Variants in PPP1R12B observed in about 807,000 individuals in gnomAD.
PPP1R12B encodes the protein myosin phosphatase target subunit 2.
In PPP1R12B, 76 loss-of-function variants were observed where a neutral mutation model predicts 126.1. That is an observed-to-expected ratio of 0.60 (90% confidence interval 0.50 to 0.73). The LOEUF (loss-of-function observed/expected upper bound fraction) is 0.73. Ranked by LOEUF, PPP1R12B falls within the 30% of genes least tolerant of loss-of-function variation. The pLI, the probability that PPP1R12B is intolerant of heterozygous loss-of-function variation, is 0.00. For synonymous variants in PPP1R12B, 356 were observed against 434.7 expected (o/e 0.82, Z 2.25); for missense variants, 1,052 against 1,205.1 (o/e 0.87, Z 1.88).
At chr1:202,378,337 A>G (rs1661617079) in intron 1 of PPP1R12B, among the ~76,000 whole-genome samples, 1 of 145,784 alleles carries the variant, frequency 6.9e-6, no homozygotes, top group South Asian at 2.1e-4. Context: ...CAAACCACTG[A>G]CCCATCTCTT....
chr1:202,368,315 T>G (rs1376613650), intron 1 of PPP1R12B, among the ~76,000 whole-genome samples: 2 of 152,086 alleles, frequency 1.3e-5, no homozygotes, highest in African/African-American at 2.4e-5. Flanking sequence ...CCCCGCAACC[T>G]TGCTCCCATT....
At chr1:202,492,629 T>C (rs562708361) in intron 14 of PPP1R12B, among the ~76,000 whole-genome samples, 38 of 152,358 alleles carry the variant, frequency 2.5e-4, no homozygotes, top group African/African-American at 9.1e-4. Flanking sequence ...AAAGCTAGTC[T>C]AGGAGTTTTA....
At chr1:202,507,182 A>T (rs539367798) in intron 18 of PPP1R12B, among the ~76,000 whole-genome samples, 1 of 152,312 alleles carries the variant, frequency 6.6e-6, no homozygotes, top group South Asian at 2.1e-4. Context: ...CCTGACAGCA[A>T]TGCCACTTAC....
chr1:202,583,339 A>G lies in PPP1R12B; in HGVS notation c.*2779A>G, dbSNP rs1024879429. On this transcript the variant is annotated 3_prime_UTR_variant, in exon 24 of 24. Coordinates refer to ENST00000608999, the MANE Select transcript of PPP1R12B (RefSeq NM_002481.4). ...CTGGGGGCAGATTCTCAAAACTCTT[A>G]GATTGGTGTTGCATCCCTGCCACTT... is the stretch of plus-strand genomic sequence containing the variant. The G allele has an allele frequency of 6.6e-6, 1 of 152,138 alleles. No individual in the cohort carries two copies. Among genetic ancestry groups the G allele is most frequent in the African/African-American group, 2.4e-5 (1 of 41,420 alleles). The allele number at this position is 152,138 out of a possible 1,614,324, so 9.4% of individuals were successfully genotyped here.
intron 1 of PPP1R12B, among the ~76,000 whole-genome samples, chr1:202,390,678 T>C (rs1204458480): frequency 7.9e-5 from 12 of 151,416 alleles, no homozygotes; most frequent in Non-Finnish European, 1.6e-4. Flanking sequence ...TTTTTTTTTT[T>C]TCATATGGGT....
chr1:202,579,705 C>A lies in PPP1R12B; in HGVS notation c.2863-769C>A, dbSNP rs181868124. Among the ~76,000 whole-genome samples the A allele has an allele frequency of 1.2e-3, 186 of 152,300 alleles. 1 individual carries two copies. The highest frequency in any genetic ancestry group is 4.3e-3 in the African/African-American group (179 of 41,566). ...AGTTTCCACTCCCTCCCCTGCCCAA[C>A]AAGCATCTATTTCTGTGAATTACAA... On this transcript the variant is annotated intron_variant, in intron 23 of 23. Coordinates refer to ENST00000608999, the MANE Select transcript of PPP1R12B (RefSeq NM_002481.4).
chr1:202,445,122 C>T (rs1446658605), intron 12 of PPP1R12B: 26 of 1,247,128 alleles, frequency 2.1e-5, no homozygotes, highest in Non-Finnish European at 1.0e-6. Context: ...TGCTACCTCA[C>T]CCATTACCAT....
At chr1:202,449,648 A>G (rs1425452362) in intron 13 of PPP1R12B, among the ~76,000 whole-genome samples, 2 of 151,762 alleles carry the variant, frequency 1.3e-5, no homozygotes, top group African/African-American at 2.4e-5. Flanking sequence ...TCAATTATTT[A>G]TGATTATTTA....
chr1:202,458,125 GT>G (rs1558253868), intron 13 of PPP1R12B, among the ~76,000 whole-genome samples: 1 of 151,208 alleles, frequency 6.6e-6, no homozygotes, highest in South Asian at 2.1e-4. Flanking sequence ...TAGTAGTTTT[GT>G]TTTTCAAAGA....
At chr1:202,426,765 T>C (rs1386600085) in intron 4 of PPP1R12B, among the ~76,000 whole-genome samples, 1 of 152,224 alleles carries the variant, frequency 6.6e-6, no homozygotes, top group East Asian at 1.9e-4. Context: ...TAATCTTAGG[T>C]ACATACGTTT....
Position 202,580,466 on chromosome 1 carries a change from C to T in PPP1R12B, c.2863-8C>T. 1 of 1,610,856 alleles carries T rather than the reference C, an allele frequency of 6.2e-7. No homozygotes were observed. The highest frequency in any genetic ancestry group is 1.3e-5 in the African/African-American group (1 of 74,976). ...CTCTAACTCACCTTTCCCTCTGTCACCCTACAGGTGTTAACAGAACTGAAA... is the reference window on the plus strand; with the variant it reads ...CTCTAACTCACCTTTCCCTCTGTCATCCTACAGGTGTTAACAGAACTGAAA... On this transcript the variant is annotated splice_region_variant and splice_polypyrimidine_tract_variant and intron_variant, in intron 23 of 23. Coordinates refer to ENST00000608999, the MANE Select transcript of PPP1R12B (RefSeq NM_002481.4).
intron 1 of PPP1R12B, among the ~76,000 whole-genome samples, chr1:202,408,101 C>T (rs561058214): frequency 1.3e-5 from 2 of 152,230 alleles, no homozygotes; most frequent in African/African-American, 4.8e-5. Flanking sequence ...ATTTTGGTAT[C>T]TGCAGGGGGT....
chr1:202,570,216 A>T lies in PPP1R12B; in HGVS notation c.2862+1019A>T, dbSNP rs1311780964. Among the ~76,000 whole-genome samples, 3 of 152,188 alleles carry T rather than the reference A, an allele frequency of 2.0e-5. No individual in the cohort carries two copies. The East Asian group carries it at 5.8e-4, about 29-fold the overall frequency. On this transcript the variant is annotated intron_variant, in intron 23 of 23. Transcript: ENST00000608999. ...TGGGATAGTATTAGGCAGATCCCCA[A>T]ATGTCTTTCTATGAGCAAGCATCCC...
chr1:202,529,410 A>G (rs1683701454), intron 18 of PPP1R12B, among the ~76,000 whole-genome samples: 1 of 152,170 alleles, frequency 6.6e-6, no homozygotes, highest in African/African-American at 2.4e-5. Context: ...ATTCACAACT[A>G]TGAAGACTAG....
intron 12 of PPP1R12B, among the ~76,000 whole-genome samples, chr1:202,445,558 A>G (rs535671557): frequency 1.3e-5 from 2 of 152,346 alleles, no homozygotes; most frequent in South Asian, 2.1e-4. Flanking sequence ...AAACATTTTC[A>G]TATTTTACTT....
At chr1:202,480,351 G>A (rs1677190584) in intron 13 of PPP1R12B, among the ~76,000 whole-genome samples, 1 of 152,176 alleles carries the variant, frequency 6.6e-6, no homozygotes, top group South Asian at 2.1e-4. Context: ...GCTGGAAAAT[G>A]CAGAAAAAGC....
At chr1:202,481,806 A>G (rs748028383) in intron 13 of PPP1R12B, among the ~76,000 whole-genome samples, 9 of 152,272 alleles carry the variant, frequency 5.9e-5, no homozygotes, top group Admixed American at 6.5e-5. Flanking sequence ...TTACTCTGCA[A>G]TAGAACATCA....
chr1:202,430,925 A>G (rs113712756), intron 7 of PPP1R12B, 115 bp downstream of exon 7: 10 of 1,406,222 alleles, frequency 7.1e-6, no homozygotes, highest in African/African-American at 5.8e-5. Context: ...CGAGTGATCT[A>G]TAAACTTGTG....
In PPP1R12B at chr1:202,583,529, C is replaced by T. The variant is rs1689659791; in HGVS notation, c.*2969C>T. ...GTAATTTCAGGTACTTTCTCTTATG[C>T]AATTAATTTTATTAACTGATTTCTG... On this transcript the variant is annotated 3_prime_UTR_variant, in exon 24 of 24. Coordinates refer to ENST00000608999, the MANE Select transcript of PPP1R12B (RefSeq NM_002481.4). 6.6e-6 allele frequency: 1 copy of T among 152,182 alleles called. No homozygotes were observed. The highest frequency in any genetic ancestry group is 1.5e-5 in the Non-Finnish European group (1 of 68,024). The allele number at this position is 152,182 out of a possible 1,614,324, so 9.4% of individuals were successfully genotyped here.
Sources: allele counts gnomAD v4.1 joint callset (sites outside exome capture counted in the v4.1 genomes callset), GRCh38; gene constraint gnomAD v4.1.1; transcripts MANE v1.5; gene names NCBI Gene and HGNC (gene_info 2026-07-23, HGNC 2026-07-21).